Variants in ZSWIM4 observed in about 807,000 individuals in gnomAD.
ZSWIM4 encodes zinc finger SWIM-type containing 4, also known as zinc finger SWIM domain-containing protein 4.
A neutral mutation model predicts 102.5 loss-of-function variants in ZSWIM4; 62 were observed. That is an observed-to-expected ratio of 0.60 (90% CI 0.49 to 0.75). The LOEUF is 0.75. Among genes scored for constraint, ZSWIM4 ranks in the 30% least tolerant of loss-of-function variants. The probability of loss-of-function intolerance (pLI) is 0.00; values close to 1 mark genes in which losing one functional copy is unlikely to be tolerated. For synonymous variants in ZSWIM4, 652 were observed against 674.5 expected, an observed-to-expected ratio of 0.97 and a Z score of 0.52; for missense variants, 1,280 against 1,529.6, an observed-to-expected ratio of 0.84 and a Z score of 2.72.
chr19:13,798,395 G>A lies in ZSWIM4; in HGVS notation c.154-1325G>A, dbSNP rs345631. The stretch of plus-strand genomic sequence containing the variant: ...ACGCCTGAGCTCAGGCAATGCTGCC[G>A]CCTCAGCCTCCCAAAGTGCTGAGAT... On this transcript the variant is annotated intron_variant, in intron 1 of 13. Transcript: ENST00000590508. Among the ~76,000 whole-genome samples the A allele has an allele frequency of 1.7e-3, 252 of 152,190 alleles. 3 individuals are homozygous for A. The highest frequency in any genetic ancestry group is 5.6e-3 in the African/African-American group (234 of 41,530).
intron 2 of ZSWIM4, among the ~76,000 whole-genome samples, chr19:13,804,469 CAAATAAATAAAT>C (rs538890080): frequency 2.0e-5 from 3 of 150,090 alleles, no homozygotes; most frequent in Admixed American, 6.6e-5. Context: ...AGCTCTGTCC[CAAATAAATAAAT>C]AAATAAATAA....
Position 13,814,875 on chromosome 19 carries a change from A to C in ZSWIM4, c.1531+10A>C. On this transcript the variant is annotated intron_variant, in intron 7 of 13. Transcript: ENST00000590508. ...AAGCAGCAGAAAAAAGGTCAGCCTC[A>C]GCCGGGCACGGGGGCTCGCACCTGT... is the stretch of plus-strand genomic sequence containing the variant. 19 of 1,230,250 alleles carry C rather than the reference A, an allele frequency of 1.5e-5. No individual in the cohort carries two copies. The highest frequency in any genetic ancestry group is 1.9e-5 in the Non-Finnish European group (18 of 949,226). 76.2% of individuals were successfully genotyped at this position (1,230,250 alleles called of 1,614,324 possible).
chr19:13,829,258 G>C (rs1975692374), intron 13 of ZSWIM4, among the ~76,000 whole-genome samples: 1 of 152,050 alleles, frequency 6.6e-6, no homozygotes, highest in Non-Finnish European at 1.5e-5. Flanking sequence ...TCCAGCCTGA[G>C]TGGCAGGGTG....
At chr19:13,814,924 A>C (rs947053983) in intron 7 of ZSWIM4, 59 bp downstream of exon 7, 124 of 1,062,864 alleles carry the variant, frequency 1.2e-4, no homozygotes, top group Non-Finnish European at 1.3e-4. Flanking sequence ...TGGGAGTCCG[A>C]GGTGGGAGGA....
chr19:13,808,693 C>T, intron 3 of ZSWIM4, 143 bp from the exon 4 acceptor site: 1 of 858,822 alleles, frequency 1.2e-6, no homozygotes, highest in Non-Finnish European at 1.7e-6. Context: ...GAGCGAAGAT[C>T]GTGCTACAGC....
rs1220235752 is a variant in ZSWIM4, at chr19:13,812,998, G to T, written c.1014G>T (p.Gly338=). 2.5e-6 allele frequency: 4 copies of T among 1,605,342 alleles called. No homozygotes were observed. Among genetic ancestry groups the T allele is most frequent in the Non-Finnish European group, 3.4e-6 (4 of 1,173,942 alleles). Residue 338 remains glycine (G), a splice_region_variant and synonymous_variant, in exon 6 of 14, where the codon GGG becomes GGT. Coordinates refer to ENST00000590508, the MANE Select transcript of ZSWIM4 (RefSeq NM_001367834.3). The part of the protein sequence containing the change: ...DKCRQLWDEL[G]ALWVCVVLSP... ...TGAGCCTGCCCCGTGCCTCCTCAGG[G>T]GCCCTGTGGGTTTGCGTCGTCCTGA...
rs760113148 is a variant in ZSWIM4 at position 13,823,492 on chromosome 19, C to T, written c.2207C>T (p.Ala736Val). 1.2e-5 allele frequency: 19 copies of T among 1,571,262 alleles called. No individual in the cohort carries two copies. The South Asian group carries it at 2.2e-4, about 18-fold the overall frequency. The change falls in exon 11 of 14, where the codon GCC becomes GTC. Residue 736 changes from alanine to valine, a missense_variant. Physicochemically the swap from Ala to Val is moderately conservative, Grantham distance 64 (BLOSUM62 0). Coordinates refer to ENST00000590508, the MANE Select transcript of ZSWIM4 (RefSeq NM_001367834.3). ...GAACTGGCTTCCACCATGTTGACGG[C>T]CGCCAAGGGTGAGGCTGGCAGCTGT... ...QCELASTMLT[A>V]AKGDPKWLHT...
At chr19:13,829,028 C>T (rs748946981) in intron 13 of ZSWIM4, among the ~76,000 whole-genome samples, 4 of 151,604 alleles carry the variant, frequency 2.6e-5, no homozygotes, top group African/African-American at 4.8e-5. Flanking sequence ...TGCTTGAGCC[C>T]AGGAGGTCAA....
Position 13,808,969 on chromosome 19 carries a change from C to T in ZSWIM4, c.846C>T (p.Arg282=), listed in dbSNP as rs1974996080. Residue 282 remains arginine, a synonymous_variant, in exon 4 of 14, where the codon CGC becomes CGT. Coordinates refer to ENST00000590508, the MANE Select transcript of ZSWIM4 (RefSeq NM_001367834.3). ...GGYYGASQQL[R]SMFSKVREML... is the part of the protein sequence containing the mutation. ...ACTACGGGGCCAGCCAGCAGCTGCG[C>T]TCCATGTTCAGCAAGGTGCCGTGCG... is the stretch of plus-strand genomic sequence containing the variant. 1.2e-6 allele frequency: 2 copies of T among 1,610,874 alleles called. No homozygotes were observed. The highest frequency in any genetic ancestry group is 1.3e-5 in the African/African-American group (1 of 74,888).
At chr19:13,804,593 G>A (rs1170203457) in intron 2 of ZSWIM4, among the ~76,000 whole-genome samples, 199 bp from the exon 3 acceptor site, 3 of 151,972 alleles carry the variant, frequency 2.0e-5, no homozygotes, top group Admixed American at 6.6e-5. Context: ...GTTGCAGTGA[G>A]CCCAGGTCGC....
rs754994162 is a variant in ZSWIM4, at chr19:13,799,716, A to G, written c.154-4A>G. ...GGCTCCTAACCCACTGGCCCTTCCTACAGGTGGAGGAGCGGTTCTCCCGGG... is the reference window on the plus strand; with the variant it reads ...GGCTCCTAACCCACTGGCCCTTCCTGCAGGTGGAGGAGCGGTTCTCCCGGG... On this transcript the variant is annotated splice_region_variant and splice_polypyrimidine_tract_variant and intron_variant, in intron 1 of 13. Transcript: ENST00000590508. 10 of 1,613,692 alleles carry G rather than the reference A, an allele frequency of 6.2e-6. No individual in the cohort carries two copies. The Middle Eastern group carries it at 5.0e-4, about 80-fold the overall frequency.
At chr19:13,798,411 G>C (rs1478825194) in intron 1 of ZSWIM4, among the ~76,000 whole-genome samples, 1 of 151,836 alleles carries the variant, frequency 6.6e-6, no homozygotes. Flanking sequence ...GCCTCCCAAA[G>C]TGCTGAGATT....
intron 10 of ZSWIM4, among the ~76,000 whole-genome samples, chr19:13,821,151 G>T (rs113279742): frequency 6.6e-6 from 1 of 152,028 alleles, no homozygotes; most frequent in African/African-American, 2.4e-5. Flanking sequence ...GGGTGTGGAG[G>T]TGCATACCTG....
chr19:13,797,087 A>G (rs1974632191), intron 1 of ZSWIM4, among the ~76,000 whole-genome samples: 3 of 152,092 alleles, frequency 2.0e-5, no homozygotes, highest in Admixed American at 1.3e-4. Context: ...TCTGAAAACC[A>G]TCTCCGAGCC....
At chr19:13,797,156 A>T (rs1974633991) in intron 1 of ZSWIM4, among the ~76,000 whole-genome samples, 1 of 152,248 alleles carries the variant, frequency 6.6e-6, no homozygotes, top group African/African-American at 2.4e-5. Flanking sequence ...ACAGAAGCTC[A>T]TGGAATCCCC....
In ZSWIM4 at chr19:13,812,553, G is replaced by A. The variant is rs1975132637; in HGVS notation, c.1013-444G>A. Among the ~76,000 whole-genome samples the A allele has an allele frequency of 4.0e-5, 6 of 150,188 alleles. No individual in the cohort carries two copies. The South Asian group carries it at 8.4e-4, about 21-fold the overall frequency. ...CAGCTCCCTGCAACCTCCACCTCCC[G>A]GGTTCGAGCCATTCTCCTGCCTCAG... On this transcript the variant is annotated intron_variant, in intron 5 of 13. Coordinates refer to ENST00000590508, the MANE Select transcript of ZSWIM4 (RefSeq NM_001367834.3).
chr19:13,812,883 G>C, intron 5 of ZSWIM4, 114 bp from the exon 6 acceptor site: 3 of 1,203,740 alleles, frequency 2.5e-6, no homozygotes, highest in Non-Finnish European at 3.5e-6. Flanking sequence ...TGCAACTTCC[G>C]AGGGTCGAGG....
At chr19:13,824,013 TGGG>T (rs1975537974) in intron 11 of ZSWIM4, among the ~76,000 whole-genome samples, 1 of 145,280 alleles carries the variant, frequency 6.9e-6, no homozygotes, top group Non-Finnish European at 1.5e-5. Context: ...TGTTGAGAGT[TGGG>T]GGGAGTGAAG....
intron 10 of ZSWIM4, among the ~76,000 whole-genome samples, chr19:13,819,847 G>GTTTTTTT (rs869187893): frequency 9.4e-6 from 1 of 106,674 alleles, no homozygotes; most frequent in Non-Finnish European, 2.0e-5. Context: ...TTTGTTTTTT[G>GTTTTTTT]TTTTTTTTTT....
Sources: gnomAD v4.1 joint callset for allele counts (sites outside exome capture counted in the v4.1 genomes callset) on GRCh38, gnomAD v4.1.1 for gene constraint, MANE v1.5 for transcripts, NCBI Gene and HGNC (gene_info 2026-07-23, HGNC 2026-07-21) for gene names.